CCDC187: variants seen among roughly 807,000 people sequenced by gnomAD.
CCDC187 encodes coiled-coil domain-containing protein 187.
In CCDC187, 32 loss-of-function variants were observed where a neutral mutation model predicts 38.0. The observed-to-expected ratio is 0.84, with a 90% CI of 0.64 to 1.13. CCDC187 has a LOEUF of 1.13. Among genes scored for constraint, CCDC187 ranks in the 50% most tolerant of loss-of-function variants. The probability of loss-of-function intolerance (pLI) is 0.00; values close to 1 mark genes in which losing one functional copy is unlikely to be tolerated. For synonymous variants in CCDC187, 333 were observed against 347.9 expected (o/e 0.96, Z 0.48); for missense variants, 707 against 786.8 (o/e 0.90, Z 1.21).
chr9:136,259,866 C>T (rs1554760773), intron 20 of CCDC187, among the ~76,000 whole-genome samples: 1 of 152,224 alleles, frequency 6.6e-6, no homozygotes, highest in African/African-American at 2.4e-5. Context: ...CCGGCTGGCA[C>T]ACCCCTCGAT....
rs1292879728 is a variant in CCDC187, at chr9:136,267,376, G to C, written c.3647+8C>G. ...GGGGCGGGGCCGGCGCCAGGCGCAT[G>C]CGCTCACCCTCGTCGATGCTCCAGC... is the stretch of plus-strand genomic sequence containing the variant. On this transcript the variant is annotated splice_region_variant and intron_variant, in intron 16 of 25. Coordinates refer to ENST00000638797, the MANE Select transcript of CCDC187 (RefSeq NM_001378188.1). 42 of 985,236 alleles carry C rather than the reference G, an allele frequency of 4.3e-5. No individual in the cohort carries two copies. The highest frequency in any genetic ancestry group is 4.9e-5 in the Non-Finnish European group (41 of 830,044). 61.0% of individuals were successfully genotyped at this position (985,236 alleles called of 1,614,324 possible).
intron 3 of CCDC187, among the ~76,000 whole-genome samples, chr9:136,298,687 C>T (rs891435053): frequency 1.3e-5 from 2 of 152,248 alleles, no homozygotes; most frequent in African/African-American, 2.4e-5. Flanking sequence ...GCCTCAAGAG[C>T]CAGGTCCTCT....
At chr9:136,273,170 C>G (rs781838975) in intron 14 of CCDC187, among the ~76,000 whole-genome samples, 10 of 152,180 alleles carry the variant, frequency 6.6e-5, no homozygotes, top group African/African-American at 7.2e-5. Flanking sequence ...CTAACCACAT[C>G]CGTCATCACG....
At chr9:136,305,696 G>T (rs2131377485), upstream of CCDC187, among the ~76,000 whole-genome samples, 1 of 152,338 alleles carries the variant, frequency 6.6e-6, no homozygotes, top group African/African-American at 2.4e-5. Context: ...TCTGGAAGAA[G>T]GTGCATCATA....
chr9:136,293,659 C>T (rs1170042259), intron 4 of CCDC187, among the ~76,000 whole-genome samples: 1 of 150,188 alleles, frequency 6.7e-6, no homozygotes, highest in Non-Finnish European at 1.5e-5. Flanking sequence ...CATGCTCACA[C>T]TCTGTCACAC....
chr9:136,253,822 G>A lies in CCDC187; in HGVS notation c.6006C>T (p.Leu2002=). The change falls in exon 26 of 26, where the codon CTC becomes CTT. Residue 2002 remains leucine (L), a synonymous_variant. Coordinates refer to ENST00000638797, the MANE Select transcript of CCDC187 (RefSeq NM_001378188.1). Reference sequence around the variant, plus strand: ...GGGCCTCCCTGTGGATGGAGGACGGGAGGTCGGCACTGCCGTAGGACAGCA... The same window carrying A: ...GGGCCTCCCTGTGGATGGAGGACGGAAGGTCGGCACTGCCGTAGGACAGCA... ...DELLSYGSAD[L]PSSIHREAPL... is the part of the protein sequence containing the mutation. The A allele has an allele frequency of 2.0e-6, 2 of 985,422 alleles. No homozygotes were observed. The highest frequency in any genetic ancestry group is 2.4e-6 in the Non-Finnish European group (2 of 829,928). The allele number at this position is 985,422 out of a possible 1,614,324, so 61.0% of individuals were successfully genotyped here. A position where few individuals can be genotyped will look rare whatever the true frequency, so the allele number is the denominator to read the frequency against.
rs986019858 is a variant in CCDC187 at position 136,282,508 on chromosome 9, G to A, written c.2928-845C>T. Among the ~76,000 whole-genome samples the A allele has an allele frequency of 2.6e-5, 4 of 152,050 alleles. No individual in the cohort carries two copies. In the South Asian group the frequency reaches 8.3e-4, roughly 31 times the overall value. On this transcript the variant is annotated intron_variant, in intron 9 of 25. Transcript: ENST00000638797. ...GGGGCATGTGGGCGGGGCATGTGCT[G>A]AGCCTGCATCTGTGAGCACGGCTCA...
chr9:136,265,919 C>T (rs1250125230), intron 17 of CCDC187, 37 bp downstream of exon 17: 12 of 958,186 alleles, frequency 1.3e-5, no homozygotes, highest in African/African-American at 1.2e-4. Flanking sequence ...CTCTGTGAGC[C>T]GCCCACCCTG....
Position 136,258,998 on chromosome 9 carries a change from C to T in CCDC187, c.4300G>A (p.Glu1434Lys), listed in dbSNP as rs114219286. 633 of 985,838 alleles carry T rather than the reference C, an allele frequency of 6.4e-4. 3 individuals carry two copies. In the African/African-American group the frequency reaches 1.0e-2, roughly 16 times the overall value. The allele number at this position is 985,838 out of a possible 1,614,324, so 61.1% of individuals were successfully genotyped here. A position where few individuals can be genotyped will look rare whatever the true frequency, so the allele number is the denominator to read the frequency against. The change falls in exon 22 of 26, where the codon GAG becomes AAG. Residue 1434 changes from glutamate (E) to lysine (K), a missense_variant. By Grantham distance (56) the Glu-to-Lys change is moderately conservative. Coordinates refer to ENST00000638797, the MANE Select transcript of CCDC187 (RefSeq NM_001378188.1). The surrounding 1 kb of genome is among the most constrained non-coding windows in gnomAD (Gnocchi z 4.3). ...GQRLGPAFPA[E>K]EAEGRLPTAQ... Reference sequence around the variant, plus strand: ...GTGGGGAGGCGCCCCTCCGCCTCCTCGGCCTGGGGGGTGAGACGGGAGTGG... The same window carrying T: ...GTGGGGAGGCGCCCCTCCGCCTCCTTGGCCTGGGGGGTGAGACGGGAGTGG...
Position 136,250,836 on chromosome 9 carries a change from G to C in CCDC187, c.*2758C>G, listed in dbSNP as rs1277911710. 6 of 456,044 alleles carry C rather than the reference G, an allele frequency of 1.3e-5. No homozygotes were observed. Among genetic ancestry groups the C allele is most frequent in the Admixed American group, 9.4e-5 (4 of 42,562 alleles). 28.2% of individuals were successfully genotyped at this position (456,044 alleles called of 1,614,324 possible). On this transcript the variant is annotated 3_prime_UTR_variant, in exon 26 of 26. Transcript: ENST00000638797. ...AAGCAGCCGCCCCGGGGCTGGAGAA[G>C]GCAGGCTGGGTCCAGCTGCTCCCGG...
At chr9:136,285,967 C>G in intron 8 of CCDC187, 118 bp downstream of exon 8, 1 of 397,560 alleles carries the variant, frequency 2.5e-6, no homozygotes, top group Non-Finnish European at 4.4e-6. Flanking sequence ...TGTTGTCCTC[C>G]TAGCCCCCTT....
rs372961079 is a variant in CCDC187, at chr9:136,250,380, G to A, written c.*3214C>T. 7 of 228,922 alleles carry A rather than the reference G, an allele frequency of 3.1e-5. No individual in the cohort carries two copies. Among genetic ancestry groups the A allele is most frequent in the Non-Finnish European group, 5.3e-5 (6 of 113,190 alleles). The allele number at this position is 228,922 out of a possible 1,614,324, so 14.2% of individuals were successfully genotyped here. A position where few individuals can be genotyped will look rare whatever the true frequency, so the allele number is the denominator to read the frequency against. On this transcript the variant is annotated 3_prime_UTR_variant, in exon 26 of 26. Transcript: ENST00000638797. ...ACTGCAGCCGCCACCGCATTGCGCC[G>A]CACGTCAGCACCAACCACGTGGCAG...
In CCDC187 at chr9:136,254,692, GGCCCTGCGGCCCTGGGGCCTCT is replaced by G; in HGVS notation, c.5114_5135del (p.Gln1705ProfsTer110). The G allele has an allele frequency of 1.0e-6, 1 of 985,320 alleles. No individual in the cohort carries two copies. Among genetic ancestry groups the G allele is most frequent in the Non-Finnish European group, 1.2e-6 (1 of 829,966 alleles). 61.0% of individuals were successfully genotyped at this position (985,320 alleles called of 1,614,324 possible). On this transcript the variant is annotated frameshift_variant, in exon 26 of 26. Transcript: ENST00000638797. LOFTEE classifies it low-confidence loss of function (END_TRUNC). ...CCAAGGAGGAGCCACGCAGGGGGCC[GGCCCTGCGGCCCTGGGGCCTCT>G]GCCAGGTCACCCATCCTCCACCCCC...
intron 4 of CCDC187, among the ~76,000 whole-genome samples, chr9:136,294,925 G>T (rs1488496613): frequency 1.3e-5 from 2 of 152,236 alleles, no homozygotes; most frequent in African/African-American, 4.8e-5. Context: ...TTTAAGTCTG[G>T]CTCTGCCACT....
chr9:136,285,494 G>C lies in CCDC187; in HGVS notation c.2927+19C>G, dbSNP rs1352300361. ...AGGTGGGCAGGTGGGCAGGTGGGCAGGTGGGCAGGTGGTCTTACCTCCCCG... is the reference window on the plus strand; with the variant it reads ...AGGTGGGCAGGTGGGCAGGTGGGCACGTGGGCAGGTGGTCTTACCTCCCCG... On this transcript the variant is annotated intron_variant, in intron 9 of 25. Transcript: ENST00000638797. 1 of 138,710 alleles carries C rather than the reference G, an allele frequency of 7.2e-6. No homozygotes were observed. Among genetic ancestry groups the C allele is most frequent in the Non-Finnish European group, 1.3e-5 (1 of 75,386 alleles). 8.6% of individuals were successfully genotyped at this position (138,710 alleles called of 1,614,324 possible).
At chr9:136,306,883 AGGCCGGTGATGGCG>A (rs1243129899), upstream of CCDC187, 27 of 152,246 alleles carry the variant, frequency 1.8e-4, no homozygotes, top group African/African-American at 6.0e-4. Context: ...GCTGTCTCTG[AGGCCGGTGATGGCG>A]GGCCAGTCGT....
At chr9:136,268,502 A>AGATCCCC (rs1362081508) in intron 14 of CCDC187, among the ~76,000 whole-genome samples, 3 of 152,158 alleles carry the variant, frequency 2.0e-5, no homozygotes, top group Admixed American at 2.0e-4. Flanking sequence ...AGCAGATCCC[A>AGATCCCC]GATCCCCAGC....
chr9:136,300,845 C>T (rs2131363046), intron 2 of CCDC187, among the ~76,000 whole-genome samples: 1 of 152,356 alleles, frequency 6.6e-6, no homozygotes, highest in Admixed American at 6.5e-5. Flanking sequence ...ACGTGATCTG[C>T]CCACCTCAGC....
chr9:136,271,199 A>G (rs1830834439), intron 14 of CCDC187, among the ~76,000 whole-genome samples: 1 of 152,206 alleles, frequency 6.6e-6, no homozygotes, highest in African/African-American at 2.4e-5. Flanking sequence ...AAAAATCCAC[A>G]GGTCGAAGAA....
Sources: gnomAD v4.1 joint callset for allele counts (sites outside exome capture counted in the v4.1 genomes callset) on GRCh38, gnomAD v4.1.1 for gene constraint, Gnocchi (gnomAD v3.1) non-coding constraint, MANE v1.5 for transcripts, NCBI Gene and HGNC (gene_info 2026-07-23, HGNC 2026-07-21) for gene names.